Variants in SH2D3C observed in about 807,000 individuals in gnomAD.
The protein encoded by SH2D3C is SH2 domain-containing protein 3C.
SH2D3C carries 25 observed loss-of-function variants against 75.2 expected under a neutral mutation model. That is an observed-to-expected ratio of 0.33 (90% CI 0.24 to 0.46). The LOEUF is 0.46. Ranked by LOEUF, SH2D3C falls within the 20% of genes least tolerant of loss-of-function variation. The pLI is 1.00. For missense variants in SH2D3C, 933 were observed against 1,165.3 expected (o/e 0.80, Z 2.90); for synonymous variants, 450 against 473.7 (o/e 0.95, Z 0.65).
chr9:127,766,225 T>G (rs1007164066), intron 2 of SH2D3C, among the ~76,000 whole-genome samples: 6 of 152,126 alleles, frequency 3.9e-5, no homozygotes, highest in African/African-American at 1.4e-4. Flanking sequence ...GCCTGTCTGC[T>G]CTCTCTCCCT....
At chr9:127,777,893 G>A (rs1301955314) in intron 1 of SH2D3C, among the ~76,000 whole-genome samples, 1 of 151,620 alleles carries the variant, frequency 6.6e-6, no homozygotes, top group African/African-American at 2.4e-5. Flanking sequence ...CAGGAGGATC[G>A]CTTGAGCCCA....
intron 9 of SH2D3C, among the ~76,000 whole-genome samples, chr9:127,741,193 C>G (rs1373970821): frequency 6.6e-6 from 1 of 151,898 alleles, no homozygotes; most frequent in Non-Finnish European, 1.5e-5. Flanking sequence ...AGTATAGCAC[C>G]TAGCCTATAG....
In SH2D3C at chr9:127,754,753, G is replaced by A; in HGVS notation, c.556-3453C>T. 1 of 463,782 alleles carries A rather than the reference G, an allele frequency of 2.2e-6. No homozygotes were observed. The highest frequency in any genetic ancestry group is 1.6e-5 in the South Asian group (1 of 63,442). The allele number at this position is 463,782 out of a possible 1,614,324, so 28.7% of individuals were successfully genotyped here. ...CGCAAGGGCCAGCGTACCAGGCGGA[G>A]GACCGGCAGGACGCCGGAGACCCCA... On this transcript the variant is annotated intron_variant, in intron 3 of 11. Transcript: ENST00000314830. This position sits in a 1 kb window ranked among gnomAD's most constrained non-coding sequence, Gnocchi z 4.4.
intron 2 of SH2D3C, chr9:127,762,345 G>A (rs1244227248): frequency 7.7e-7 from 1 of 1,302,026 alleles, no homozygotes; most frequent in Admixed American, 2.3e-5. Flanking sequence ...CTACCCTCAG[G>A]CAGCCTGGAC....
At chr9:127,769,047 A>C (rs1395122964) in intron 2 of SH2D3C, among the ~76,000 whole-genome samples, 2 of 152,102 alleles carry the variant, frequency 1.3e-5, no homozygotes, top group African/African-American at 2.4e-5. Flanking sequence ...TTTTCTCGTT[A>C]AGGCTTTTCT....
At position 127,740,288 on chromosome 9, in the gene SH2D3C, G is replaced by T. The variant is rs1378708178; in HGVS notation, c.2170C>A (p.Pro724Thr). ...GAILYEKKLKPFLKSLNEGKE... is the reference protein window; with the variant it reads ...GAILYEKKLKTFLKSLNEGKE... Reference sequence around the variant, plus strand: ...CCCTCGTTGAGGCTCTTGAGAAAAGGCTTGAGCTTCTTCTCGTACAGGATG... The same window carrying T: ...CCCTCGTTGAGGCTCTTGAGAAAAGTCTTGAGCTTCTTCTCGTACAGGATG... The change falls in exon 10 of 12, where the codon CCT (proline) becomes ACT (threonine). Residue 724 changes from proline to threonine, a missense_variant. Pro to Thr is a conservative substitution (Grantham distance 38). Transcript: ENST00000314830. 2.2e-5 allele frequency: 36 copies of T among 1,614,014 alleles called. No homozygotes were observed. Among genetic ancestry groups the T allele is most frequent in the Non-Finnish European group, 2.9e-5 (34 of 1,180,010 alleles).
At position 127,739,742 on chromosome 9, in the gene SH2D3C, C is replaced by A; in HGVS notation, c.2347G>T (p.Ala783Ser). The change falls in exon 11 of 12, where the codon GCC becomes TCC. Residue 783 changes from alanine (A) to serine (S), a missense_variant. Physicochemically the swap from Ala to Ser is moderately conservative, Grantham distance 99. Transcript: ENST00000314830. The surrounding 1 kb of genome is among the most constrained non-coding windows in gnomAD (Gnocchi z 4.3). ...VEVVLAHLEA[A>S]RTVAHHGGLY... ...CCTCCGTGGTGTGCCACTGTGCGGG[C>A]GGCCTCCAGGTGAGCCAGCACCACC... 3 of 1,610,358 alleles carry A rather than the reference C, an allele frequency of 1.9e-6. No homozygotes were observed. Among genetic ancestry groups the A allele is most frequent in the Non-Finnish European group, 2.5e-6 (3 of 1,179,462 alleles).
chr9:127,745,455 C>CTTTTT (rs1190107937), intron 6 of SH2D3C, among the ~76,000 whole-genome samples: 6 of 109,554 alleles, frequency 5.5e-5, no homozygotes, highest in Non-Finnish European at 7.0e-5. Flanking sequence ...TAATGATTTC[C>CTTTTT]TTTTTTTTTT....
chr9:127,742,828 C>G, intron 8 of SH2D3C, 21 bp downstream of exon 8: 1 of 1,587,166 alleles, frequency 6.3e-7, no homozygotes, highest in Non-Finnish European at 8.6e-7. Flanking sequence ...CGCGAGTCCC[C>G]GGGTGCCGGC....
rs114604300 is a variant in SH2D3C at position 127,750,196 on chromosome 9, C to T, written c.685-531G>A. Among the ~76,000 whole-genome samples the T allele has an allele frequency of 7.3e-3, 1,099 of 151,552 alleles. 13 individuals are homozygous for T. The highest frequency in any genetic ancestry group is 0.025 in the African/African-American group (1,025 of 41,216). On this transcript the variant is annotated intron_variant, in intron 4 of 11. Coordinates refer to ENST00000314830, the MANE Select transcript of SH2D3C (RefSeq NM_170600.3). ...TTATTATTATTAAGATGGAGTCTCA[C>T]TGTCACCCAGGCTGGAGTGAGGTGG...
At position 127,742,912 on chromosome 9, in the gene SH2D3C, C is replaced by G; in HGVS notation, c.1853G>C (p.Arg618Pro). The stretch of plus-strand genomic sequence containing the variant: ...GAGGGTGAGCAGTTCCATGCCCCAG[C>G]GGACTCCCATTAGGGTCTGCATCTC... Reference protein sequence around the residue: ...TKEMQTLMGVRWGMELLTLPH... With the variant: ...TKEMQTLMGVPWGMELLTLPH... Residue 618 changes from arginine to proline, a missense_variant, in exon 8 of 12, where the codon CGC becomes CCC. By Grantham distance (103) the Arg-to-Pro change is moderately radical (BLOSUM62 -2). Transcript: ENST00000314830. 6.2e-7 allele frequency: 1 copy of G among 1,613,950 alleles called. No homozygotes were observed.
Position 127,739,586 on chromosome 9 carries a change from A to C in SH2D3C, c.2407+96T>G, listed in dbSNP as rs988889936. 3.6e-6 allele frequency: 4 copies of C among 1,107,296 alleles called. No homozygotes were observed. The highest frequency in any genetic ancestry group is 5.3e-6 in the Non-Finnish European group (4 of 761,046). 68.6% of individuals were successfully genotyped at this position (1,107,296 alleles called of 1,614,324 possible). A position where few individuals can be genotyped will look rare whatever the true frequency, so the allele number is the denominator to read the frequency against. On this transcript the variant is annotated intron_variant, in intron 11 of 11. Transcript: ENST00000314830. The surrounding 1 kb of genome is among the most constrained non-coding windows in gnomAD (Gnocchi z 4.3). ...GACAGGGCAGGACAGAGGAGTGGAG[A>C]AATGTGAATGGATGCCTTGGAGAAA...
chr9:127,748,545 TC>T (rs938578423), intron 5 of SH2D3C, among the ~76,000 whole-genome samples: 3 of 152,016 alleles, frequency 2.0e-5, no homozygotes, highest in African/African-American at 7.3e-5. Flanking sequence ...GCAAGCGGCT[TC>T]CCCCCTCTAA....
rs1175587289 is a variant in SH2D3C at position 127,751,552 on chromosome 9, C to T, written c.556-252G>A. Among the ~76,000 whole-genome samples, 1 of 152,254 alleles carries T rather than the reference C, an allele frequency of 6.6e-6. No individual in the cohort carries two copies. The highest frequency in any genetic ancestry group is 2.4e-5 in the African/African-American group (1 of 41,464). ...TGGATGCAGTGATATATAAACCAAG[C>T]CCGGCCCTCAAGGCAGTGCCTAGTC... On this transcript the variant is annotated intron_variant, in intron 3 of 11. Coordinates refer to ENST00000314830, the MANE Select transcript of SH2D3C (RefSeq NM_170600.3). The surrounding 1 kb of genome is among the most constrained non-coding windows in gnomAD (Gnocchi z 4.1).
rs1204319643 is a variant in SH2D3C, at chr9:127,751,202, A to T, written c.654T>A (p.His218Gln). Residue 218 changes from histidine (H) to glutamine (Q), a missense_variant, in exon 4 of 12, where the codon CAT (histidine) becomes CAA (glutamine). Physicochemically the swap from His to Gln is conservative, Grantham distance 24. Transcript: ENST00000314830. The surrounding 1 kb of genome is among the most constrained non-coding windows in gnomAD (Gnocchi z 4.1). Reference sequence around the variant, plus strand: ...GGGGGATGCGGCCATGGTACCAGGCATGGCTGCGGAGATCCGTGCTGCTGA... The same window carrying T: ...GGGGGATGCGGCCATGGTACCAGGCTTGGCTGCGGAGATCCGTGCTGCTGA... ...LKLSSTDLRS[H>Q]AWYHGRIPRE... 1 of 1,614,160 alleles carries T rather than the reference A, an allele frequency of 6.2e-7. No homozygotes were observed. Among genetic ancestry groups the T allele is most frequent in the Admixed American group, 1.7e-5 (1 of 60,032 alleles).
Position 127,775,670 on chromosome 9 carries a change from C to T in SH2D3C, c.38-1203G>A, listed in dbSNP as rs552429155. Among the ~76,000 whole-genome samples, 243 of 146,172 alleles carry T rather than the reference C, an allele frequency of 1.7e-3. 2 individuals carry two copies. Among genetic ancestry groups the T allele is most frequent in the African/African-American group, 5.9e-3 (233 of 39,488 alleles). ...AAATAAAAATAAAAAGTTAGCTGGACATGCTGGTGTGTGCCTGTAATCCCA... is the reference window on the plus strand; with the variant it reads ...AAATAAAAATAAAAAGTTAGCTGGATATGCTGGTGTGTGCCTGTAATCCCA... On this transcript the variant is annotated intron_variant, in intron 1 of 11. Transcript: ENST00000314830.
chr9:127,749,735 A>T lies in SH2D3C; in HGVS notation c.685-70T>A, dbSNP rs1421665923. 2 of 972,626 alleles carry T rather than the reference A, an allele frequency of 2.1e-6. No homozygotes were observed. Among genetic ancestry groups the T allele is most frequent in the Non-Finnish European group, 3.1e-6 (2 of 640,356 alleles). The allele number at this position is 972,626 out of a possible 1,614,324, so 60.2% of individuals were successfully genotyped here. Reference sequence around the variant, plus strand: ...GGGTCAGACCCAGGATCTGGGGGACAGAGCAACCCAGGATTAGGGGGCACA... The same window carrying T: ...GGGTCAGACCCAGGATCTGGGGGACTGAGCAACCCAGGATTAGGGGGCACA... On this transcript the variant is annotated intron_variant, in intron 4 of 11. Coordinates refer to ENST00000314830, the MANE Select transcript of SH2D3C (RefSeq NM_170600.3). This position sits in a 1 kb window ranked among gnomAD's most constrained non-coding sequence, Gnocchi z 5.9.
At chr9:127,757,610 A>T (rs1845418556) in intron 3 of SH2D3C, among the ~76,000 whole-genome samples, 1 of 117,258 alleles carries the variant, frequency 8.5e-6, no homozygotes, top group African/African-American at 3.1e-5. Flanking sequence ...CCAGATGATG[A>T]TGATGATGAT....
chr9:127,741,695 G>T, intron 9 of SH2D3C, 93 bp downstream of exon 9: 2 of 1,437,440 alleles, frequency 1.4e-6, no homozygotes, highest in Non-Finnish European at 1.9e-6. Flanking sequence ...AAATTCCAAA[G>T]CTCCTCCTGA....
Sources: allele counts gnomAD v4.1 joint callset (sites outside exome capture counted in the v4.1 genomes callset), GRCh38; gene constraint gnomAD v4.1.1; non-coding constraint Gnocchi (gnomAD v3.1); transcripts MANE v1.5; gene names NCBI Gene and HGNC (gene_info 2026-07-23, HGNC 2026-07-21).